Variants in LMBR1 observed in about 807,000 individuals in gnomAD.
LMBR1 encodes limb development membrane protein 1.
In LMBR1, 52 loss-of-function variants were observed where a neutral mutation model predicts 73.9. The observed-to-expected ratio is 0.70, with a 90% CI of 0.56 to 0.89. LMBR1 has a LOEUF of 0.89. LMBR1 is among the 40% of genes least tolerant of loss of function. The probability of loss-of-function intolerance (pLI) is 0.00; values close to 1 mark genes in which losing one functional copy is unlikely to be tolerated. For synonymous variants in LMBR1, 215 were observed against 209.4 expected (o/e 1.03, Z -0.23); for missense variants, 539 against 579.8 (o/e 0.93, Z 0.72).
At chr7:156,892,716 A>C in intron 1 of LMBR1, 3 of 335,896 alleles carry the variant, frequency 8.9e-6, no homozygotes, top group East Asian at 5.2e-5. Context: ...CAGGCAGAGG[A>C]AGCGAAGGGG....
intron 1 of LMBR1, among the ~76,000 whole-genome samples, chr7:156,891,496 A>C (rs532205061): frequency 6.6e-6 from 1 of 152,240 alleles, no homozygotes; most frequent in South Asian, 2.1e-4. Flanking sequence ...TTCAAAACTA[A>C]GCAAAAACTA....
intron 1 of LMBR1, among the ~76,000 whole-genome samples, chr7:156,878,595 G>A (rs1187190596): frequency 1.3e-5 from 2 of 152,126 alleles, no homozygotes; most frequent in Non-Finnish European, 2.9e-5. Flanking sequence ...CTCATGGATG[G>A]GTAGAATCAA....
chr7:156,778,794 A>C (rs1826602262), intron 5 of LMBR1, among the ~76,000 whole-genome samples: 1 of 152,212 alleles, frequency 6.6e-6, no homozygotes, highest in Non-Finnish European at 1.5e-5. Context: ...TTCTGACTAC[A>C]AAGTAATGAA....
chr7:156,838,281 T>C (rs990318109), intron 1 of LMBR1, among the ~76,000 whole-genome samples: 4 of 152,204 alleles, frequency 2.6e-5, no homozygotes, highest in Non-Finnish European at 5.9e-5. Context: ...ACATTGTTAT[T>C]TATTATAGTC....
intron 5 of LMBR1, among the ~76,000 whole-genome samples, chr7:156,785,588 T>C (rs1406922351): frequency 6.6e-6 from 1 of 152,100 alleles, no homozygotes; most frequent in Non-Finnish European, 1.5e-5. Flanking sequence ...AACAGAACCT[T>C]AAGGTCAGGA....
chr7:156,891,987 C>A (rs1219477209), intron 1 of LMBR1, among the ~76,000 whole-genome samples: 1 of 152,038 alleles, frequency 6.6e-6, no homozygotes, highest in South Asian at 2.1e-4. Flanking sequence ...TTAGGAGAGG[C>A]GTAAATATAA....
At chr7:156,793,601 T>C (rs187788217) in intron 5 of LMBR1, among the ~76,000 whole-genome samples, 6 of 152,340 alleles carry the variant, frequency 3.9e-5, no homozygotes. Context: ...AAAAGATGAC[T>C]GTACTGTATT....
rs1435983553 is a variant in LMBR1, at chr7:156,891,227, T to TACAC, written c.66+1700_66+1701insGTGT. ...AAAAAAAAAAATATATATATATATA[T>TACAC]ATATATACACACACACACACACACA... On this transcript the variant is annotated intron_variant, in intron 1 of 16. Transcript: ENST00000353442. Among the ~76,000 whole-genome samples, 4 of 80,866 alleles carry TACAC rather than the reference T, an allele frequency of 4.9e-5. 1 individual carries two copies. The highest frequency in any genetic ancestry group is 2.0e-4 in the African/African-American group (4 of 20,396). 53.1% of individuals were successfully genotyped at this position (80,866 alleles called of 152,430 possible).
At chr7:156,835,657 T>G (rs1476688659) in intron 2 of LMBR1, among the ~76,000 whole-genome samples, 1 of 143,678 alleles carries the variant, frequency 7.0e-6, no homozygotes, top group Non-Finnish European at 1.5e-5. Flanking sequence ...ATCGCACCAC[T>G]GCACTCCCGC....
intron 1 of LMBR1, among the ~76,000 whole-genome samples, chr7:156,858,039 G>GA (rs1302509109): frequency 1.7e-3 from 36 of 21,792 alleles, no homozygotes; most frequent in Admixed American, 7.2e-3. Context: ...TAGGAAACTA[G>GA]AAAAAAAAAG....
chr7:156,736,464 G>A (rs56328910), intron 9 of LMBR1: 17,722 of 455,128 alleles, frequency 0.039, 489 homozygotes, highest in Admixed American at 0.054. Flanking sequence ...GATGAAGCAT[G>A]CACATAGCTC....
chr7:156,696,448 C>T (rs1467730796), intron 15 of LMBR1, among the ~76,000 whole-genome samples: 1 of 152,124 alleles, frequency 6.6e-6, no homozygotes, highest in Non-Finnish European at 1.5e-5. Context: ...GTGTATTGGT[C>T]CATTTTCATG....
chr7:156,708,456 G>T (rs1052813776), intron 15 of LMBR1, among the ~76,000 whole-genome samples: 2 of 151,824 alleles, frequency 1.3e-5, no homozygotes, highest in Non-Finnish European at 2.9e-5. Context: ...AATAAAAGCA[G>T]CATCAGTGGC....
chr7:156,715,216 T>TCA (rs1462545642), intron 15 of LMBR1, among the ~76,000 whole-genome samples: 2 of 152,144 alleles, frequency 1.3e-5, no homozygotes, highest in African/African-American at 4.8e-5. Context: ...CCTCCCAAAG[T>TCA]GCTGGGATTA....
intron 1 of LMBR1, among the ~76,000 whole-genome samples, chr7:156,887,223 T>C (rs1020580918): frequency 1.3e-5 from 2 of 152,140 alleles, no homozygotes; most frequent in Non-Finnish European, 1.5e-5. Flanking sequence ...CCCAGCACTT[T>C]GGGAGGCCGA....
intron 15 of LMBR1, among the ~76,000 whole-genome samples, chr7:156,695,676 A>G (rs1433593263): frequency 1.3e-5 from 2 of 152,132 alleles, no homozygotes; most frequent in Non-Finnish European, 2.9e-5. Context: ...ACCAGACCCC[A>G]CCTCCAACAC....
intron 1 of LMBR1, among the ~76,000 whole-genome samples, chr7:156,875,919 A>C (rs1800097956): frequency 1.3e-5 from 2 of 151,130 alleles, no homozygotes; most frequent in African/African-American, 4.9e-5. Flanking sequence ...AAAAAAAAAA[A>C]AACAAGGTAT....
intron 9 of LMBR1, among the ~76,000 whole-genome samples, chr7:156,735,648 C>T (rs1157214916): frequency 6.7e-6 from 1 of 150,142 alleles, no homozygotes; most frequent in Non-Finnish European, 1.5e-5. Context: ...TCATCCTAGA[C>T]TGTTACATCT....
At chr7:156,684,317 T>C (rs1459696726) in intron 16 of LMBR1, among the ~76,000 whole-genome samples, 154 bp from the exon 17 acceptor site, 1 of 152,094 alleles carries the variant, frequency 6.6e-6, no homozygotes, top group Admixed American at 6.6e-5. Context: ...AATGATTTCT[T>C]CTCCCTACTG....
Sources: gnomAD v4.1 joint callset for allele counts (sites outside exome capture counted in the v4.1 genomes callset) on GRCh38, gnomAD v4.1.1 for gene constraint, MANE v1.5 for transcripts, NCBI Gene and HGNC (gene_info 2026-07-23, HGNC 2026-07-21) for gene names.